The following TG variants were observed in gnomAD, a reference collection of about 807,000 sequenced individuals.
TG encodes the protein thyroid hormones.
A neutral mutation model predicts 324.7 loss-of-function variants in TG; 270 were observed. The ratio of observed to expected loss-of-function variants is 0.83; its 90% CI spans 0.75 to 0.92. The LOEUF (loss-of-function observed/expected upper bound fraction) is 0.92. Ranked by LOEUF, TG falls within the 40% of genes least tolerant of loss-of-function variation. TG has a pLI of 0.00. For synonymous variants in TG, 1,401 were observed against 1,327.0 expected (o/e 1.06, Z -1.21); for missense variants, 3,591 against 3,456.4 (o/e 1.04, Z -0.98).
intron 29 of TG, 113 bp downstream of exon 29, chr8:132,963,187 C>T (rs1409977688): frequency 6.0e-6 from 6 of 998,368 alleles, no homozygotes; most frequent in Non-Finnish European, 3.2e-6. Context: ...TATTCTGTAT[C>T]CATGGACTCT....
chr8:132,894,821 A>G (rs1816872525), intron 11 of TG, among the ~76,000 whole-genome samples: 1 of 152,248 alleles, frequency 6.6e-6, no homozygotes, highest in Non-Finnish European at 1.5e-5. Flanking sequence ...GTAGATTATC[A>G]GATCTTCACA....
At chr8:133,067,827 GGAGA>G (rs1187811554) in intron 41 of TG, among the ~76,000 whole-genome samples, 1 of 146,714 alleles carries the variant, frequency 6.8e-6, no homozygotes, top group Non-Finnish European at 1.5e-5. Context: ...GAAGGAAGGG[GGAGA>G]GAGAGAGAGA....
intron 5 of TG, among the ~76,000 whole-genome samples, chr8:132,881,441 C>A (rs879383503): frequency 6.6e-6 from 1 of 152,100 alleles, no homozygotes; most frequent in Non-Finnish European, 1.5e-5. Flanking sequence ...TTTGATCTCC[C>A]AAAATGAGAT....
intron 35 of TG, among the ~76,000 whole-genome samples, chr8:132,992,475 C>T (rs539303451): frequency 3.3e-5 from 5 of 152,238 alleles, no homozygotes; most frequent in African/African-American, 4.8e-5. Flanking sequence ...GGGAAAATTG[C>T]GATTACTTTT....
intron 34 of TG, among the ~76,000 whole-genome samples, chr8:132,982,371 G>C (rs1830982757): frequency 6.6e-6 from 1 of 152,206 alleles, no homozygotes; most frequent in Non-Finnish European, 1.5e-5. Context: ...GGCCACTGGA[G>C]AGAAAAGAGT....
intron 41 of TG, among the ~76,000 whole-genome samples, chr8:133,042,481 A>G (rs537698433): frequency 6.6e-6 from 1 of 151,696 alleles, no homozygotes; most frequent in African/African-American, 2.4e-5. Flanking sequence ...CATTTTTCAC[A>G]TGCATCTTTT....
In TG at chr8:132,868,166, C is replaced by T. The variant is rs539574101; in HGVS notation, c.119C>T (p.Thr40Met). The change falls in exon 2 of 48, where the codon ACG becomes ATG. Residue 40 changes from threonine to methionine, a missense_variant. Coordinates refer to ENST00000220616, the MANE Select transcript of TG (RefSeq NM_003235.5). The part of the protein sequence containing the change: ...PLRPCELQRE[T>M]AFLKQADYVP... ...CGTCCCTGTGAGCTGCAGAGGGAAA[C>T]GGCCTTTCTGAAGCAAGCAGACTAC... 1.7e-5 allele frequency: 27 copies of T among 1,614,092 alleles called. No homozygotes were observed. Among genetic ancestry groups the T allele is most frequent in the Middle Eastern group, 1.6e-4 (1 of 6,062 alleles).
intron 35 of TG, among the ~76,000 whole-genome samples, chr8:132,988,161 A>G (rs1831830492): frequency 6.6e-6 from 1 of 152,090 alleles, no homozygotes; most frequent in Non-Finnish European, 1.5e-5. Flanking sequence ...GTCCATCTGC[A>G]CAGTGGAACT....
intron 32 of TG, among the ~76,000 whole-genome samples, chr8:132,970,168 G>A (rs543451159): frequency 1.5e-3 from 231 of 151,428 alleles, no homozygotes; most frequent in Non-Finnish European, 2.7e-3. Context: ...GAGAGCAAGT[G>A]GAAATTTTAA....
chr8:133,070,093 C>T (rs1358646361), intron 41 of TG, among the ~76,000 whole-genome samples: 1 of 151,280 alleles, frequency 6.6e-6, no homozygotes, highest in Non-Finnish European at 1.5e-5. Context: ...CCTAGGAGAC[C>T]GCGGATTTGT....
At chr8:133,113,784 A>G in intron 44 of TG, 181 bp downstream of exon 44, 2 of 714,298 alleles carry the variant, frequency 2.8e-6, no homozygotes, top group South Asian at 1.9e-5. Flanking sequence ...CCTGGAGGAC[A>G]TGTAGGGTGG....
intron 41 of TG, among the ~76,000 whole-genome samples, chr8:133,088,408 G>C (rs1437618226): frequency 6.6e-6 from 1 of 152,136 alleles, no homozygotes; most frequent in Admixed American, 6.5e-5. Flanking sequence ...GCACAGTGTG[G>C]GGGGAACAAT....
At chr8:133,018,528 AG>A (rs1218997959) in intron 38 of TG, among the ~76,000 whole-genome samples, 1 of 117,734 alleles carries the variant, frequency 8.5e-6, no homozygotes, top group Non-Finnish European at 1.8e-5. Flanking sequence ...AAAAATTACA[AG>A]TTTTTTTTTT....
chr8:133,019,787 C>T (rs1468361244), intron 39 of TG, 92 bp downstream of exon 39: 17 of 1,067,830 alleles, frequency 1.6e-5, no homozygotes, highest in Non-Finnish European at 2.4e-5. Context: ...TCAGTCTCCT[C>T]CTCTGTGGCC....
rs148505234 is a variant in TG, at chr8:132,922,679, T to C, written c.4529-659T>C. Among the ~76,000 whole-genome samples the C allele has an allele frequency of 2.8e-3, 428 of 152,310 alleles. 2 individuals are homozygous for C. The highest frequency in any genetic ancestry group is 9.7e-3 in the African/African-American group (404 of 41,574). ...TCTCACAGTTCTGGAGACTGGGAAG[T>C]CCAAGATCAAGTTGTCAGCAGATTT... On this transcript the variant is annotated intron_variant, in intron 21 of 47. Coordinates refer to ENST00000220616, the MANE Select transcript of TG (RefSeq NM_003235.5).
chr8:133,133,963 C>T (rs755504057), intron 47 of TG, among the ~76,000 whole-genome samples: 8 of 152,146 alleles, frequency 5.3e-5, no homozygotes. Flanking sequence ...CAGCCTAGAA[C>T]GTTGGTATGG....
chr8:132,890,609 G>C lies in TG; in HGVS notation c.2761+2041G>C, dbSNP rs147791552. ...TTGTACCATGGTTCTACCATCTACT[G>C]CTCTGTGACCTAAGAGAGGCTCTTT... On this transcript the variant is annotated intron_variant, in intron 10 of 47. Transcript: ENST00000220616. Among the ~76,000 whole-genome samples, 1,255 of 152,306 alleles carry C rather than the reference G, an allele frequency of 8.2e-3. 16 individuals carry two copies. The highest frequency in any genetic ancestry group is 0.037 in the Middle Eastern group (11 of 294).
At chr8:133,130,730 A>T (rs987191756) in intron 45 of TG, among the ~76,000 whole-genome samples, 4 of 152,158 alleles carry the variant, frequency 2.6e-5, no homozygotes, top group African/African-American at 9.7e-5. Flanking sequence ...AACTCCAGAC[A>T]TTGTCAGATA....
intron 19 of TG, among the ~76,000 whole-genome samples, chr8:132,912,823 A>G (rs1819723474): frequency 6.6e-6 from 1 of 152,174 alleles, no homozygotes; most frequent in Non-Finnish European, 1.5e-5. Context: ...AGAGCCAGGA[A>G]ATCTGGGTTG....
Sources: allele counts gnomAD v4.1 joint callset (sites outside exome capture counted in the v4.1 genomes callset), GRCh38; gene constraint gnomAD v4.1.1; transcripts MANE v1.5; gene names NCBI Gene and HGNC (gene_info 2026-07-23, HGNC 2026-07-21).